The following RSBN1 variants were observed in gnomAD, a reference collection of about 807,000 sequenced individuals.
RSBN1 encodes lysine-specific demethylase 9.
In RSBN1, 23 loss-of-function variants were observed where a neutral mutation model predicts 74.8. The ratio of observed to expected loss-of-function variants is 0.31; its 90% CI spans 0.22 to 0.44. RSBN1 has a LOEUF of 0.44. Ranked by LOEUF, RSBN1 falls within the 20% of genes least tolerant of loss-of-function variation. The pLI is 1.00. For synonymous variants in RSBN1, 407 were observed against 379.6 expected (o/e 1.07, Z -0.84); for missense variants, 808 against 1,020.9 (o/e 0.79, Z 2.84).
chr1:113,795,645 A>C (rs1660456078), intron 2 of RSBN1, among the ~76,000 whole-genome samples: 1 of 152,240 alleles, frequency 6.6e-6, no homozygotes, highest in Non-Finnish European at 1.5e-5. Flanking sequence ...ATAATCTGAA[A>C]TGTTCTTAAA....
In RSBN1 at chr1:113,812,270, T is replaced by C. The variant is rs1660887079; in HGVS notation, c.143A>G (p.Glu48Gly). ...VGPFKCVFVG[E>G]MAAQVGAVRV... ...CACCGCTCCGACCTGCGCAGCCATT[T>C]CACCCACAAACACACATTTAAATGG... The change falls in exon 1 of 7, where the codon GAA becomes GGA. Residue 48 changes from glutamate (E) to glycine (G), a missense_variant. By Grantham distance (98) the Glu-to-Gly change is moderately conservative. Transcript: ENST00000261441. 1.2e-6 allele frequency: 2 copies of C among 1,605,654 alleles called. No individual in the cohort carries two copies. Among genetic ancestry groups the C allele is most frequent in the African/African-American group, 2.7e-5 (2 of 75,008 alleles).
intron 1 of RSBN1, among the ~76,000 whole-genome samples, chr1:113,801,760 T>C (rs1660588615): frequency 6.6e-6 from 1 of 152,138 alleles, no homozygotes; most frequent in African/African-American, 2.4e-5. Context: ...TAAAGAGAAA[T>C]ACATAATTCT....
chr1:113,795,506 C>T (rs894079528), intron 2 of RSBN1, among the ~76,000 whole-genome samples: 6 of 152,218 alleles, frequency 3.9e-5, no homozygotes, highest in Non-Finnish European at 7.3e-5. Context: ...CCCATATCCA[C>T]ACCATACTCT....
At position 113,811,756 on chromosome 1, in the gene RSBN1, G is replaced by A. The variant is rs1243927624; in HGVS notation, c.657C>T (p.Asn219=). The part of the protein sequence containing the change: ...TDLKHKDKQE[N]GERTGGVPLI... ...GAGGCACCCCTCCAGTCCTCTCGCCGTTTTCCTGCTTGTCCTTGTGCTTGA... is the reference window on the plus strand; with the variant it reads ...GAGGCACCCCTCCAGTCCTCTCGCCATTTTCCTGCTTGTCCTTGTGCTTGA... Residue 219 remains asparagine (N), a synonymous_variant, in exon 1 of 7, where the codon AAC becomes AAT. Transcript: ENST00000261441. 5.0e-6 allele frequency: 8 copies of A among 1,612,886 alleles called. No homozygotes were observed. The highest frequency in any genetic ancestry group is 6.8e-6 in the Non-Finnish European group (8 of 1,179,458).
chr1:113,768,896 G>T (rs935382483), intron 4 of RSBN1, among the ~76,000 whole-genome samples: 2 of 83,552 alleles, frequency 2.4e-5, no homozygotes, highest in Non-Finnish European at 5.2e-5. Context: ...AGAATTTCTT[G>T]GAAGTGGGAA....
chr1:113,776,282 A>C (rs1424033531), intron 4 of RSBN1, among the ~76,000 whole-genome samples: 1 of 152,248 alleles, frequency 6.6e-6, no homozygotes, highest in African/African-American at 2.4e-5. Context: ...AGAAAATAAA[A>C]ACATGTAAAC....
In RSBN1 at chr1:113,811,952, G is replaced by A. The variant is rs1231768582; in HGVS notation, c.461C>T (p.Ala154Val). The A allele has an allele frequency of 1.9e-6, 3 of 1,587,952 alleles. No homozygotes were observed. Among genetic ancestry groups the A allele is most frequent in the African/African-American group, 2.7e-5 (2 of 74,352 alleles). ...GAGAGGGGCAGCGACAGCGGGCCCG[G>A]CGGGTGCCAGCGAAGGTGGCGGCGG... ...PPPPPPSLAP[A>V]GPAVAAPLPA... is the part of the protein sequence containing the mutation. The change falls in exon 1 of 7, where the codon GCC becomes GTC. Residue 154 changes from alanine to valine, a missense_variant. Transcript: ENST00000261441.
At chr1:113,795,338 C>G (rs1660449678) in intron 2 of RSBN1, among the ~76,000 whole-genome samples, 1 of 152,178 alleles carries the variant, frequency 6.6e-6, no homozygotes, top group African/African-American at 2.4e-5. Flanking sequence ...AAATTGCTTA[C>G]CTACCTACCC....
At chr1:113,769,278 C>G (rs1324896711) in intron 4 of RSBN1, among the ~76,000 whole-genome samples, 8 of 152,188 alleles carry the variant, frequency 5.3e-5, no homozygotes, top group Admixed American at 1.3e-4. Context: ...TAAACTTTCT[C>G]TGTTGCAGTC....
At chr1:113,787,549 C>T (rs1660268946) in intron 2 of RSBN1, among the ~76,000 whole-genome samples, 1 of 152,138 alleles carries the variant, frequency 6.6e-6, no homozygotes, top group Admixed American at 6.5e-5. Flanking sequence ...CTCCTTTTTC[C>T]TCACCTTATT....
chr1:113,810,412 C>CAT (rs1660805538), intron 1 of RSBN1, among the ~76,000 whole-genome samples: 1 of 151,126 alleles, frequency 6.6e-6, no homozygotes, highest in Non-Finnish European at 1.5e-5. Flanking sequence ...CACACACACA[C>CAT]ACAAGAAATG....
chr1:113,776,168 A>G (rs1468921138), intron 4 of RSBN1, among the ~76,000 whole-genome samples: 2 of 152,238 alleles, frequency 1.3e-5, no homozygotes, highest in African/African-American at 2.4e-5. Flanking sequence ...CCTATAGAAC[A>G]TTATTGGTTT....
intron 4 of RSBN1, among the ~76,000 whole-genome samples, chr1:113,774,545 C>A (rs961480536): frequency 6.6e-6 from 1 of 151,866 alleles, no homozygotes; most frequent in African/African-American, 2.4e-5. Context: ...GGCATCATAG[C>A]GGGAGGCTGT....
At chr1:113,804,389 T>C (rs1275958249) in intron 1 of RSBN1, among the ~76,000 whole-genome samples, 1 of 152,210 alleles carries the variant, frequency 6.6e-6, no homozygotes, top group East Asian at 1.9e-4. Flanking sequence ...AAACAAGATA[T>C]GTAATTTATA....
Position 113,768,317 on chromosome 1 carries a change from A to G in RSBN1, c.1731T>C (p.Asp577=), listed in dbSNP as rs914848533. 3.1e-6 allele frequency: 5 copies of G among 1,613,244 alleles called. No homozygotes were observed. The African/African-American group carries it at 5.3e-5, about 17-fold the overall frequency. Residue 577 remains aspartate, a synonymous_variant, in exon 5 of 7, where the codon GAT becomes GAC. Coordinates refer to ENST00000261441, the MANE Select transcript of RSBN1 (RefSeq NM_018364.5). Reference sequence around the variant, plus strand: ...CATGATCAGCATGAGCTCTAGTCCTATCTTCAAAGAGAACTTCGCGGGGTT... The same window carrying G: ...CATGATCAGCATGAGCTCTAGTCCTGTCTTCAAAGAGAACTTCGCGGGGTT... ...TSEPREVLFE[D]RTRAHADHVG...
At chr1:113,803,785 TA>T (rs1391688749) in intron 1 of RSBN1, among the ~76,000 whole-genome samples, 2 of 152,052 alleles carry the variant, frequency 1.3e-5, no homozygotes. Flanking sequence ...TAAATCTCTT[TA>T]AATCTAAATT....
intron 2 of RSBN1, among the ~76,000 whole-genome samples, chr1:113,792,481 T>A (rs528904053): frequency 6.6e-6 from 1 of 152,248 alleles, no homozygotes; most frequent in South Asian, 2.1e-4. Context: ...AGCAGGAGAA[T>A]CCGTTGAGAC....
chr1:113,778,393 AT>A lies in RSBN1; in HGVS notation c.1378-586del, dbSNP rs1461415282. On this transcript the variant is annotated intron_variant, in intron 2 of 6. Coordinates refer to ENST00000261441, the MANE Select transcript of RSBN1 (RefSeq NM_018364.5). ...AGCTCACTGCAACCTCCACCTCCCAATTCAAGCAATTCTCCTCCCTCAGCCT... is the reference window on the plus strand; with the variant it reads ...AGCTCACTGCAACCTCCACCTCCCAATCAAGCAATTCTCCTCCCTCAGCCT... Among the ~76,000 whole-genome samples, 18 of 151,488 alleles carry A rather than the reference AT, an allele frequency of 1.2e-4. No homozygotes were observed. The East Asian group carries it at 3.5e-3, about 30-fold the overall frequency.
At chr1:113,781,542 C>G (rs1187934767) in intron 2 of RSBN1, among the ~76,000 whole-genome samples, 2 of 152,200 alleles carry the variant, frequency 1.3e-5, no homozygotes, top group African/African-American at 4.8e-5. Context: ...CACCTGTACC[C>G]TACTACATTC....
Sources: allele counts gnomAD v4.1 joint callset (sites outside exome capture counted in the v4.1 genomes callset), GRCh38; gene constraint gnomAD v4.1.1; transcripts MANE v1.5; gene names NCBI Gene and HGNC (gene_info 2026-07-23, HGNC 2026-07-21).